GRIK1: variants seen among roughly 807,000 people sequenced by gnomAD.
GRIK1 encodes glutamate receptor ionotropic, kainate 1.
Under a neutral mutation model 105.7 loss-of-function variants are expected in GRIK1, and 69 were observed. The ratio of observed to expected loss-of-function variants is 0.65; its 90% CI spans 0.54 to 0.80. The LOEUF (loss-of-function observed/expected upper bound fraction) is 0.80, where lower values mean the gene tolerates loss of function less well. GRIK1 is among the 30% of genes least tolerant of loss of function. The probability of loss-of-function intolerance (pLI) is 0.00; values close to 1 mark genes in which losing one functional copy is unlikely to be tolerated. For synonymous variants in GRIK1, 438 were observed against 431.3 expected (o/e 1.02, Z -0.19); for missense variants, 1,109 against 1,167.3 (o/e 0.95, Z 0.73).
In GRIK1 at chr21:29,550,107, C is replaced by CAAAAAAAA. The variant is rs34939329; in HGVS notation, c.2607+4937_2607+4944dup. Among the ~76,000 whole-genome samples the CAAAAAAAA allele has an allele frequency of 2.2e-4, 12 of 53,486 alleles. 1 individual carries two copies. The highest frequency in any genetic ancestry group is 9.4e-4 in the African/African-American group (11 of 11,752). 35.1% of individuals were successfully genotyped at this position (53,486 alleles called of 152,430 possible). Reference sequence around the variant, plus strand: ...TGGGCGACAGAGAAAGACTCCATCTCAAAAAAAAAAAAAAAAAAAAAAAAA... The same window carrying CAAAAAAAA: ...TGGGCGACAGAGAAAGACTCCATCTCAAAAAAAAAAAAAAAAAAAAAAAAAAAAAAAAA... On this transcript the variant is annotated intron_variant, in intron 16 of 17. Coordinates refer to ENST00000327783, the MANE Select transcript of GRIK1 (RefSeq NM_001330994.2).
At chr21:29,895,266 T>A (rs1327726029) in intron 1 of GRIK1, among the ~76,000 whole-genome samples, 3 of 152,098 alleles carry the variant, frequency 2.0e-5, no homozygotes, top group Admixed American at 2.0e-4. Context: ...ATGAAGAGAA[T>A]GAGTGTATTT....
chr21:29,880,482 GT>G (rs1364012499), intron 1 of GRIK1, among the ~76,000 whole-genome samples: 1 of 152,032 alleles, frequency 6.6e-6, no homozygotes, highest in Non-Finnish European at 1.5e-5. Flanking sequence ...ATGTTTTTAG[GT>G]TTGAATTTGC....
At chr21:29,679,262 A>G (rs1041433617) in intron 3 of GRIK1, among the ~76,000 whole-genome samples, 1 of 152,144 alleles carries the variant, frequency 6.6e-6, no homozygotes, top group Non-Finnish European at 1.5e-5. Flanking sequence ...CGGAGACTAT[A>G]TTTGATGTGA....
Position 29,790,520 on chromosome 21 carries a change from A to G in GRIK1, c.119-96457T>C, listed in dbSNP as rs535953962. Among the ~76,000 whole-genome samples the G allele has an allele frequency of 2.0e-5, 3 of 151,988 alleles. No homozygotes were observed. In the South Asian group the frequency reaches 6.2e-4, roughly 32 times the overall value. On this transcript the variant is annotated intron_variant, in intron 1 of 17. Transcript: ENST00000327783. The stretch of plus-strand genomic sequence containing the variant: ...ACCCAGTCTGAAATGCAGCAGTGCA[A>G]TCACAGCTCACTGCAGCCTCGAACT...
intron 3 of GRIK1, among the ~76,000 whole-genome samples, chr21:29,681,128 G>A (rs1243122688): frequency 3.3e-5 from 5 of 152,136 alleles, no homozygotes; most frequent in Non-Finnish European, 7.4e-5. Flanking sequence ...GAAAGACTCC[G>A]TCTCAAAAAT....
chr21:29,851,838 C>T (rs1291588114), intron 1 of GRIK1, among the ~76,000 whole-genome samples: 6 of 152,130 alleles, frequency 3.9e-5, no homozygotes, highest in African/African-American at 7.2e-5. Context: ...ACCCCTTGGA[C>T]GAAATGTCCT....
chr21:29,636,694 G>A (rs2062404167), intron 7 of GRIK1, among the ~76,000 whole-genome samples: 1 of 152,118 alleles, frequency 6.6e-6, no homozygotes. Context: ...TTTATGAATG[G>A]TGATCACTTC....
chr21:29,872,495 T>C (rs2069053972), intron 1 of GRIK1, among the ~76,000 whole-genome samples: 1 of 152,170 alleles, frequency 6.6e-6, no homozygotes, highest in Non-Finnish European at 1.5e-5. Context: ...ATCTCTTTTG[T>C]ATGTGGATAT....
chr21:29,578,526 G>C (rs973685311), intron 13 of GRIK1, among the ~76,000 whole-genome samples: 4 of 152,172 alleles, frequency 2.6e-5, no homozygotes, highest in African/African-American at 9.7e-5. Context: ...TCTGGGCTTT[G>C]AATTAACGGA....
chr21:29,693,744 T>C (rs936767493), intron 2 of GRIK1, 152 bp downstream of exon 2: 3 of 626,582 alleles, frequency 4.8e-6, no homozygotes, highest in Non-Finnish European at 8.5e-6. Flanking sequence ...TTAGTTCAGA[T>C]TACACTGATC....
In GRIK1 at chr21:29,699,098, A is replaced by G. The variant is rs139262222; in HGVS notation, c.119-5035T>C. Among the ~76,000 whole-genome samples the G allele has an allele frequency of 5.3e-3, 811 of 152,266 alleles. 9 individuals carry two copies. Among genetic ancestry groups the G allele is most frequent in the Non-Finnish European group, 4.3e-3 (295 of 68,024 alleles). Reference sequence around the variant, plus strand: ...ACTCTGTGTTCCCTCACCTGAGACAAGGTGCCACATATGGTCACTAAACAA... The same window carrying G: ...ACTCTGTGTTCCCTCACCTGAGACAGGGTGCCACATATGGTCACTAAACAA... On this transcript the variant is annotated intron_variant, in intron 1 of 17. Coordinates refer to ENST00000327783, the MANE Select transcript of GRIK1 (RefSeq NM_001330994.2).
At position 29,672,978 on chromosome 21, in the gene GRIK1, C is replaced by T. The variant is rs747856346; in HGVS notation, c.726+5G>A. On this transcript the variant is annotated splice_donor_5th_base_variant and intron_variant, in intron 4 of 17. Transcript: ENST00000327783. The stretch of plus-strand genomic sequence containing the variant: ...ACACCTCCACCTCCTCCCTAGCCCT[C>T]TTACCTGCTTAAGGATTTCAGCGGC... The T allele has an allele frequency of 1.4e-5, 23 of 1,606,772 alleles. No individual in the cohort carries two copies. Among genetic ancestry groups the T allele is most frequent in the Non-Finnish European group, 1.8e-5 (21 of 1,175,420 alleles).
chr21:29,829,298 T>A (rs1180598039), intron 1 of GRIK1, among the ~76,000 whole-genome samples: 1 of 152,208 alleles, frequency 6.6e-6, no homozygotes, highest in African/African-American at 2.4e-5. Flanking sequence ...ATATTCTTCA[T>A]GTATTACACT....
At chr21:29,549,297 A>T (rs1300516022) in intron 16 of GRIK1, among the ~76,000 whole-genome samples, 1 of 152,238 alleles carries the variant, frequency 6.6e-6, no homozygotes. Flanking sequence ...ATAAAAACTC[A>T]TGTTTACTAT....
At chr21:29,786,180 G>A (rs1282906294) in intron 1 of GRIK1, among the ~76,000 whole-genome samples, 1 of 152,136 alleles carries the variant, frequency 6.6e-6, no homozygotes, top group African/African-American at 2.4e-5. Flanking sequence ...GTAGAGATGG[G>A]GTTTCCCCAT....
chr21:29,932,381 A>G (rs1429743883), intron 1 of GRIK1, among the ~76,000 whole-genome samples: 1 of 152,156 alleles, frequency 6.6e-6, no homozygotes, highest in African/African-American at 2.4e-5. Flanking sequence ...TTCATTATGT[A>G]CTTTAGAAGA....
chr21:29,620,833 ATAGT>A (rs1568897840), intron 7 of GRIK1, among the ~76,000 whole-genome samples: 3 of 145,876 alleles, frequency 2.1e-5, no homozygotes, highest in African/African-American at 7.6e-5. Flanking sequence ...ATAATATATT[ATAGT>A]CATAAAATAT....
chr21:29,838,441 T>C (rs2067873009), intron 1 of GRIK1, among the ~76,000 whole-genome samples: 1 of 152,152 alleles, frequency 6.6e-6, no homozygotes, highest in Non-Finnish European at 1.5e-5. Context: ...GTGAAACAGT[T>C]ATTAGTAAGT....
At chr21:29,745,144 C>A (rs1425955719) in intron 1 of GRIK1, among the ~76,000 whole-genome samples, 1 of 152,126 alleles carries the variant, frequency 6.6e-6, no homozygotes, top group Non-Finnish European at 1.5e-5. Context: ...TGAGCTTGTA[C>A]CCTTTGATAA....
Sources: gnomAD v4.1 joint callset for allele counts (sites outside exome capture counted in the v4.1 genomes callset) on GRCh38, gnomAD v4.1.1 for gene constraint, MANE v1.5 for transcripts, NCBI Gene and HGNC (gene_info 2026-07-23, HGNC 2026-07-21) for gene names.